The following ARHGAP31 variants were observed in gnomAD, a reference collection of about 807,000 sequenced individuals.
ARHGAP31 encodes the protein rho GTPase-activating protein 31.
Under a neutral mutation model 113.9 loss-of-function variants are expected in ARHGAP31, and 34 were observed. The ratio of observed to expected loss-of-function variants is 0.30; its 90% CI spans 0.23 to 0.40. The LOEUF (loss-of-function observed/expected upper bound fraction) is 0.40. Ranked by LOEUF, ARHGAP31 falls within the 10% of genes least tolerant of loss-of-function variation. ARHGAP31 has a pLI of 1.00. For synonymous variants in ARHGAP31, 650 were observed against 684.8 expected, an observed-to-expected ratio of 0.95 and a Z score of 0.79; for missense variants, 1,548 against 1,767.1, an observed-to-expected ratio of 0.88 and a Z score of 2.22.
At chr3:119,377,917 C>T (rs918932380) in intron 3 of ARHGAP31, among the ~76,000 whole-genome samples, 6 of 152,116 alleles carry the variant, frequency 3.9e-5, no homozygotes, top group Non-Finnish European at 8.8e-5. Flanking sequence ...AGACTGTCTG[C>T]GTTGGGCCAC....
chr3:119,364,601 C>T (rs928513648), intron 1 of ARHGAP31, among the ~76,000 whole-genome samples: 9 of 152,122 alleles, frequency 5.9e-5, no homozygotes, highest in Admixed American at 5.9e-4. Context: ...CTGGGCCCCA[C>T]CCCAAAATTT....
chr3:119,337,275 T>C (rs569517838), intron 1 of ARHGAP31, among the ~76,000 whole-genome samples: 1 of 152,194 alleles, frequency 6.6e-6, no homozygotes, highest in South Asian at 2.1e-4. Context: ...CTTACAGACG[T>C]CAGGAGTGAA....
chr3:119,340,968 C>A (rs2080002851), intron 1 of ARHGAP31, among the ~76,000 whole-genome samples: 1 of 152,186 alleles, frequency 6.6e-6, no homozygotes, highest in Non-Finnish European at 1.5e-5. Context: ...AGGAGCTGAG[C>A]AAATGCCTGC....
intron 1 of ARHGAP31, among the ~76,000 whole-genome samples, chr3:119,310,351 GA>G (rs1219313526): frequency 6.6e-6 from 1 of 152,206 alleles, no homozygotes; most frequent in Non-Finnish European, 1.5e-5. Context: ...CCAGACTCCA[GA>G]ACAGATTCTT....
intron 1 of ARHGAP31, among the ~76,000 whole-genome samples, chr3:119,364,271 A>G (rs375843000): frequency 5.3e-5 from 8 of 152,188 alleles, no homozygotes; most frequent in African/African-American, 1.4e-4. Context: ...TTTAAAAAAA[A>G]AACACTTTAT....
chr3:119,382,478 C>A, intron 5 of ARHGAP31, 79 bp downstream of exon 5: 2 of 1,363,934 alleles, frequency 1.5e-6, no homozygotes, highest in Non-Finnish European at 2.1e-6. Context: ...TTGGATTCTT[C>A]AAATTGAAGC....
At chr3:119,341,371 CTT>C (rs2080007082) in intron 1 of ARHGAP31, among the ~76,000 whole-genome samples, 1 of 152,162 alleles carries the variant, frequency 6.6e-6, no homozygotes, top group African/African-American at 2.4e-5. Context: ...GTATGTAACA[CTT>C]TTTATGTCAG....
chr3:119,415,851 A>C lies in ARHGAP31; in HGVS notation c.3922A>C (p.Arg1308=). The change falls in exon 12 of 12, where the codon AGA becomes CGA. Residue 1308 remains arginine, a synonymous_variant. Coordinates refer to ENST00000264245, the MANE Select transcript of ARHGAP31 (RefSeq NM_020754.4). ...CACCCAGGATGCAGTAGTGCAATGC[A>C]GAAAGCGCATGTCAGAGACAGAGCC... ...LSTQDAVVQC[R]KRMSETEPSG... 4 of 1,614,244 alleles carry C rather than the reference A, an allele frequency of 2.5e-6. No homozygotes were observed. The highest frequency in any genetic ancestry group is 3.4e-6 in the Non-Finnish European group (4 of 1,180,042).
chr3:119,382,311 C>G lies in ARHGAP31; in HGVS notation c.451C>G (p.Arg151Gly), dbSNP rs371479579. 8.7e-6 allele frequency: 14 copies of G among 1,614,030 alleles called. No homozygotes were observed. The highest frequency in any genetic ancestry group is 1.1e-5 in the Non-Finnish European group (13 of 1,180,022). ...TTCTAGGACCTTGGAATACCTGATT[C>G]GACACCTGGCCCATATCGCCTCCTT... ...SHYRTLEYLI[R>G]HLAHIASFSS... Residue 151 changes from arginine to glycine, a missense_variant, in exon 5 of 12, where the codon CGA becomes GGA. Physicochemically the swap from Arg to Gly is moderately radical, Grantham distance 125. Coordinates refer to ENST00000264245, the MANE Select transcript of ARHGAP31 (RefSeq NM_020754.4).
chr3:119,369,709 A>G (rs2080281221), intron 3 of ARHGAP31, among the ~76,000 whole-genome samples: 1 of 152,248 alleles, frequency 6.6e-6, no homozygotes, highest in Admixed American at 6.5e-5. Context: ...GCACAACTGT[A>G]TATTAAGAAA....
Position 119,381,995 on chromosome 3 carries a change from A to G in ARHGAP31, c.432-297A>G, listed in dbSNP as rs868590646. On this transcript the variant is annotated intron_variant, in intron 4 of 11. Coordinates refer to ENST00000264245, the MANE Select transcript of ARHGAP31 (RefSeq NM_020754.4). Reference sequence around the variant, plus strand: ...AGCGAGACTCCGTCTCAAAAAAAAAAAAAAAAAAAAAAAGCCTTCAGGCTC... The same window carrying G: ...AGCGAGACTCCGTCTCAAAAAAAAAGAAAAAAAAAAAAAGCCTTCAGGCTC... Among the ~76,000 whole-genome samples the G allele has an allele frequency of 0.017, 2,538 of 151,060 alleles. 143 individuals are homozygous for G. The East Asian group carries it at 0.21, about 12-fold the overall frequency.
intron 1 of ARHGAP31, among the ~76,000 whole-genome samples, chr3:119,326,261 C>G (rs2079843262): frequency 6.6e-6 from 1 of 152,140 alleles, no homozygotes; most frequent in African/African-American, 2.4e-5. Context: ...CATTTGAAGA[C>G]AAGTGGCCTA....
intron 1 of ARHGAP31, among the ~76,000 whole-genome samples, chr3:119,345,238 G>A (rs1162447860): frequency 2.6e-5 from 4 of 151,970 alleles, no homozygotes; most frequent in South Asian, 2.1e-4. Context: ...CACCCACCTC[G>A]GCCTCCCAAA....
chr3:119,303,429 C>T (rs2079602266), intron 1 of ARHGAP31, among the ~76,000 whole-genome samples: 1 of 152,226 alleles, frequency 6.6e-6, no homozygotes, highest in African/African-American at 2.4e-5. Flanking sequence ...GTGTGAACCA[C>T]ATTCTTGGCA....
intron 6 of ARHGAP31, among the ~76,000 whole-genome samples, chr3:119,390,518 T>G (rs1437634204): frequency 6.6e-6 from 1 of 152,242 alleles, no homozygotes; most frequent in Non-Finnish European, 1.5e-5. Flanking sequence ...AATGAATGAA[T>G]GGATGAGTGA....
At chr3:119,343,739 C>G (rs1439527606) in intron 1 of ARHGAP31, among the ~76,000 whole-genome samples, 1 of 152,222 alleles carries the variant, frequency 6.6e-6, no homozygotes, top group Non-Finnish European at 1.5e-5. Context: ...CTTCCTTGCT[C>G]TCCCTTTTCT....
Position 119,420,432 on chromosome 3 carries a change from T to G in ARHGAP31, c.*4168T>G, listed in dbSNP as rs1401464581. Reference sequence around the variant, plus strand: ...AAGCATGGAGAGGAGGGGGCAATGGTGGAAGGGTGATTGCCTGAAATCAGT... The same window carrying G: ...AAGCATGGAGAGGAGGGGGCAATGGGGGAAGGGTGATTGCCTGAAATCAGT... On this transcript the variant is annotated 3_prime_UTR_variant, in exon 12 of 12. Coordinates refer to ENST00000264245, the MANE Select transcript of ARHGAP31 (RefSeq NM_020754.4). The G allele has an allele frequency of 2.0e-5, 3 of 152,016 alleles. No homozygotes were observed. Among genetic ancestry groups the G allele is most frequent in the African/African-American group, 7.3e-5 (3 of 41,362 alleles). 9.4% of individuals were successfully genotyped at this position (152,016 alleles called of 1,614,324 possible).
chr3:119,406,754 TG>T (rs1294931993), intron 10 of ARHGAP31, among the ~76,000 whole-genome samples: 1 of 152,206 alleles, frequency 6.6e-6, no homozygotes, highest in Non-Finnish European at 1.5e-5. Flanking sequence ...GAGAATTAAC[TG>T]GGGTAGCTCT....
chr3:119,350,300 G>A (rs1212195126), intron 1 of ARHGAP31, among the ~76,000 whole-genome samples: 5 of 152,144 alleles, frequency 3.3e-5, no homozygotes, highest in Admixed American at 6.5e-5. Context: ...CTGTGGCTCG[G>A]GAATATTGGG....
Sources: allele counts gnomAD v4.1 joint callset (sites outside exome capture counted in the v4.1 genomes callset), GRCh38; gene constraint gnomAD v4.1.1; transcripts MANE v1.5; gene names NCBI Gene and HGNC (gene_info 2026-07-23, HGNC 2026-07-21).